KIF3B: variants seen among roughly 807,000 people sequenced by gnomAD.
KIF3B encodes the protein kinesin family member 3B.
KIF3B carries 38 observed loss-of-function variants against 74.3 expected under a neutral mutation model. That is an observed-to-expected ratio of 0.51 (90% CI 0.39 to 0.67). The LOEUF (loss-of-function observed/expected upper bound fraction) is 0.67, where lower values mean the gene tolerates loss of function less well. Ranked by LOEUF, KIF3B falls within the 30% of genes least tolerant of loss-of-function variation. KIF3B has a pLI of 0.00. For missense variants in KIF3B, 649 were observed against 932.0 expected, an observed-to-expected ratio of 0.70 and a Z score of 3.95; for synonymous variants, 326 against 342.5, an observed-to-expected ratio of 0.95 and a Z score of 0.53.
rs779111249 is a variant in KIF3B at position 32,309,747 on chromosome 20, T to C, written c.-31T>C. 3 of 1,587,912 alleles carry C rather than the reference T, an allele frequency of 1.9e-6. No individual in the cohort carries two copies. The highest frequency in any genetic ancestry group is 2.3e-5 in the South Asian group (2 of 86,852). ...ATCCTGAGACATTTTGAATTGACAC[T>C]TCTCAAGATTTGACTGGATCAGAGT... On this transcript the variant is annotated 5_prime_UTR_variant, in exon 2 of 9. Coordinates refer to ENST00000375712, the MANE Select transcript of KIF3B (RefSeq NM_004798.4).
chr20:32,286,957 T>C (rs2047669788), intron 1 of KIF3B, among the ~76,000 whole-genome samples: 1 of 152,220 alleles, frequency 6.6e-6, no homozygotes, highest in South Asian at 2.1e-4. Context: ...AACATGGCAG[T>C]GTTAACCTAA....
intron 7 of KIF3B, among the ~76,000 whole-genome samples, chr20:32,328,480 C>T (rs191576303): frequency 3.4e-4 from 52 of 151,844 alleles, no homozygotes; most frequent in Non-Finnish European, 1.6e-4. Flanking sequence ...GTGGCAGGCA[C>T]CTGTAATCCC....
At chr20:32,296,052 ACGGGGTTTCAC>A (rs1218598154) in intron 1 of KIF3B, among the ~76,000 whole-genome samples, 7 of 151,150 alleles carry the variant, frequency 4.6e-5, no homozygotes, top group Non-Finnish European at 1.0e-4. Context: ...TGTAGTAGAG[ACGGGGTTTCAC>A]CGTGTTGGCC....
intron 1 of KIF3B, among the ~76,000 whole-genome samples, chr20:32,292,315 G>T (rs1028632250): frequency 6.6e-6 from 1 of 152,020 alleles, no homozygotes; most frequent in Non-Finnish European, 1.5e-5. Context: ...TCACCATGGT[G>T]GCTGGTATTA....
At position 32,277,739 on chromosome 20, in the gene KIF3B, G is replaced by A. The variant is rs2047622998; in HGVS notation, c.-92G>A. 4 of 265,456 alleles carry A rather than the reference G, an allele frequency of 1.5e-5. No individual in the cohort carries two copies. Among genetic ancestry groups the A allele is most frequent in the East Asian group, 8.5e-5 (1 of 11,754 alleles). The allele number at this position is 265,456 out of a possible 1,614,324, so 16.4% of individuals were successfully genotyped here. A position where few individuals can be genotyped will look rare whatever the true frequency, so the allele number is the denominator to read the frequency against. The stretch of plus-strand genomic sequence containing the variant: ...CGCCGCCGCCGCCGCCGCCGCCGCC[G>A]CCGCCCGCTTTCGGCTCGGGCCTCA... On this transcript the variant is annotated 5_prime_UTR_variant, in exon 1 of 9. Coordinates refer to ENST00000375712, the MANE Select transcript of KIF3B (RefSeq NM_004798.4).
At position 32,279,695 on chromosome 20, in the gene KIF3B, C is replaced by A. The variant is rs1343389420; in HGVS notation, c.-66+1930C>A. Among the ~76,000 whole-genome samples, 4 of 152,192 alleles carry A rather than the reference C, an allele frequency of 2.6e-5. No individual in the cohort carries two copies. In the East Asian group the frequency reaches 7.7e-4, roughly 29 times the overall value. On this transcript the variant is annotated intron_variant, in intron 1 of 8. Coordinates refer to ENST00000375712, the MANE Select transcript of KIF3B (RefSeq NM_004798.4). ...GGTCAGGCTGGTCTCAAACTCCCGA[C>A]CTCAGGTGATCGCCTGCCTTGGCCT...
intron 5 of KIF3B, among the ~76,000 whole-genome samples, chr20:32,319,467 G>A (rs1304274423): frequency 2.8e-5 from 3 of 107,930 alleles, no homozygotes; most frequent in Non-Finnish European, 5.5e-5. Flanking sequence ...TTAAAATGGG[G>A]TTGTTTCATA....
At chr20:32,285,428 T>C (rs2047663140) in intron 1 of KIF3B, among the ~76,000 whole-genome samples, 2 of 152,234 alleles carry the variant, frequency 1.3e-5, no homozygotes, top group African/African-American at 2.4e-5. Context: ...TCCATCTCAC[T>C]GTGCCTCAGT....
chr20:32,306,236 T>C (rs963130640), intron 1 of KIF3B, among the ~76,000 whole-genome samples: 3 of 148,622 alleles, frequency 2.0e-5, no homozygotes, highest in Non-Finnish European at 3.0e-5. Context: ...CTACTAAATA[T>C]ACGAAAAAGA....
chr20:32,324,116 A>AT (rs1481833530), intron 5 of KIF3B, among the ~76,000 whole-genome samples: 2 of 151,714 alleles, frequency 1.3e-5, no homozygotes, highest in Non-Finnish European at 2.9e-5. Flanking sequence ...CTCAAAAGAA[A>AT]AAAAAAAAAG....
At chr20:32,295,086 T>C (rs2047710467) in intron 1 of KIF3B, among the ~76,000 whole-genome samples, 1 of 152,214 alleles carries the variant, frequency 6.6e-6, no homozygotes, top group Non-Finnish European at 1.5e-5. Flanking sequence ...AATTATGTCC[T>C]TAAAATAATT....
At chr20:32,313,954 C>T (rs2047814239) in intron 2 of KIF3B, among the ~76,000 whole-genome samples, 1 of 152,132 alleles carries the variant, frequency 6.6e-6, no homozygotes, top group African/African-American at 2.4e-5. Context: ...GCAATCCTTC[C>T]ACCTTAGTCT....
At chr20:32,280,547 T>G (rs1278483018) in intron 1 of KIF3B, among the ~76,000 whole-genome samples, 3 of 95,988 alleles carry the variant, frequency 3.1e-5, no homozygotes, top group Non-Finnish European at 5.9e-5. Context: ...ACCCCATCTC[T>G]ACTAAAAGAA....
At chr20:32,303,857 C>CAA (rs33920293) in intron 1 of KIF3B, among the ~76,000 whole-genome samples, 28 of 120,364 alleles carry the variant, frequency 2.3e-4, no homozygotes, top group African/African-American at 7.6e-4. Flanking sequence ...CTCAGTCTCA[C>CAA]AAAAAAAAAA....
chr20:32,319,582 G>GTT (rs34028388), intron 5 of KIF3B, among the ~76,000 whole-genome samples: 39 of 92,008 alleles, frequency 4.2e-4, no homozygotes, highest in Non-Finnish European at 5.7e-4. Flanking sequence ...TTTTGTTTTT[G>GTT]TTTTTTTTTT....
At chr20:32,286,669 C>G (rs2047668580) in intron 1 of KIF3B, among the ~76,000 whole-genome samples, 1 of 152,156 alleles carries the variant, frequency 6.6e-6, no homozygotes, top group African/African-American at 2.4e-5. Flanking sequence ...AGATCCACCA[C>G]TGAGAAATAA....
At chr20:32,288,923 G>A (rs758078451) in intron 1 of KIF3B, among the ~76,000 whole-genome samples, 4 of 152,166 alleles carry the variant, frequency 2.6e-5, no homozygotes, top group Non-Finnish European at 4.4e-5. Context: ...TGATTTATGG[G>A]AAATTCTGTT....
intron 1 of KIF3B, among the ~76,000 whole-genome samples, chr20:32,304,303 C>T (rs1469122118): frequency 6.6e-6 from 1 of 152,126 alleles, no homozygotes; most frequent in Non-Finnish European, 1.5e-5. Context: ...CCCAAGTGGC[C>T]CATCACTGCT....
chr20:32,313,667 C>T (rs770230710), intron 2 of KIF3B, among the ~76,000 whole-genome samples: 1 of 152,092 alleles, frequency 6.6e-6, no homozygotes, highest in South Asian at 2.1e-4. Context: ...TGCCTTCTCA[C>T]TGCTGCACAG....
Sources: gnomAD v4.1 joint callset for allele counts (sites outside exome capture counted in the v4.1 genomes callset) on GRCh38, gnomAD v4.1.1 for gene constraint, MANE v1.5 for transcripts, NCBI Gene and HGNC (gene_info 2026-07-23, HGNC 2026-07-21) for gene names.